Variants in PCYT2 observed in about 807,000 individuals in gnomAD.
PCYT2 encodes ethanolamine-phosphate cytidylyltransferase.
A neutral mutation model predicts 50.0 loss-of-function variants in PCYT2; 33 were observed. The ratio of observed to expected loss-of-function variants is 0.66; its 90% confidence interval spans 0.50 to 0.88. The LOEUF is 0.88. Ranked by LOEUF, PCYT2 falls within the 40% of genes least tolerant of loss-of-function variation. PCYT2 has a pLI of 0.00. For synonymous variants in PCYT2, 240 were observed against 203.7 expected, an observed-to-expected ratio of 1.18 and a Z score of -1.52; for missense variants, 430 against 519.7, an observed-to-expected ratio of 0.83 and a Z score of 1.68.
rs771188874 is a variant in PCYT2 at position 81,902,758 on chromosome 17, T to C, written c.*2075A>G. 2 of 1,600,948 alleles carry C rather than the reference T, an allele frequency of 1.2e-6. No individual in the cohort carries two copies. Among genetic ancestry groups the C allele is most frequent in the Non-Finnish European group, 8.5e-7 (1 of 1,175,570 alleles). ...CTGCCTCGCCGCCTGAGCCCGGACCTCTCCTGGCACCGCTGGGGGCCCCCC... is the reference window on the plus strand; with the variant it reads ...CTGCCTCGCCGCCTGAGCCCGGACCCCTCCTGGCACCGCTGGGGGCCCCCC... On this transcript the variant is annotated 3_prime_UTR_variant, in exon 13 of 13. Coordinates refer to ENST00000538936, the MANE Select transcript of PCYT2 (RefSeq NM_002861.5).
rs1430939300 is a variant in PCYT2, at chr17:81,903,753, C to T, written c.*1080G>A. The T allele has an allele frequency of 2.0e-5, 3 of 152,368 alleles. No individual in the cohort carries two copies. The highest frequency in any genetic ancestry group is 2.0e-4 in the Admixed American group (3 of 15,304). 9.4% of individuals were successfully genotyped at this position (152,368 alleles called of 1,614,324 possible). On this transcript the variant is annotated 3_prime_UTR_variant, in exon 13 of 13. Coordinates refer to ENST00000538936, the MANE Select transcript of PCYT2 (RefSeq NM_002861.5). ...TCCTGTGCTGGGTCGTGAGGTCGAC[C>T]TCACAACAGCAGAGGACAGGCCCAT... is the stretch of plus-strand genomic sequence containing the variant.
rs1480585565 is a variant in PCYT2, at chr17:81,908,749, TG to T, written c.341-116del. The T allele has an allele frequency of 6.0e-6, 8 of 1,322,644 alleles. No individual in the cohort carries two copies. The Admixed American group carries it at 7.6e-5, about 13-fold the overall frequency. 81.9% of individuals were successfully genotyped at this position (1,322,644 alleles called of 1,614,324 possible). ...TAGTGTCCGCGTGCCCATTTCTAGG[TG>T]GGGGCCCGGAAATGTCTCAGATCCT... On this transcript the variant is annotated intron_variant, in intron 3 of 12. Coordinates refer to ENST00000538936, the MANE Select transcript of PCYT2 (RefSeq NM_002861.5).
intron 7 of PCYT2, 38 bp downstream of exon 7, chr17:81,906,722 T>G: frequency 6.2e-7 from 1 of 1,607,716 alleles, no homozygotes; most frequent in Non-Finnish European, 8.5e-7. Flanking sequence ...CCACCCCATG[T>G]GGCACATGTA....
At position 81,902,233 on chromosome 17, in the gene PCYT2, G is replaced by A. The variant is rs914129849; in HGVS notation, c.*2600C>T. The A allele has an allele frequency of 3.3e-6, 4 of 1,222,082 alleles. No homozygotes were observed. Among genetic ancestry groups the A allele is most frequent in the South Asian group, 7.6e-5 (2 of 26,418 alleles). 75.7% of individuals were successfully genotyped at this position (1,222,082 alleles called of 1,614,324 possible). ...ATATAAGGCGGCCCAGGCGGTGGCT[G>A]CTCCGAGCCCGGACGCCGCCGCCCA... is the stretch of plus-strand genomic sequence containing the variant. On this transcript the variant is annotated 3_prime_UTR_variant, in exon 13 of 13. Coordinates refer to ENST00000538936, the MANE Select transcript of PCYT2 (RefSeq NM_002861.5).
At chr17:81,910,326 C>T (rs2040516494) in intron 1 of PCYT2, among the ~76,000 whole-genome samples, 2 of 152,268 alleles carry the variant, frequency 1.3e-5, no homozygotes, top group Non-Finnish European at 2.9e-5. Flanking sequence ...GTGGACAAAG[C>T]TGTCCCTGCC....
At chr17:81,907,731 G>C in intron 5 of PCYT2, 42 bp downstream of exon 5, 1 of 1,598,574 alleles carries the variant, frequency 6.3e-7, no homozygotes, top group Non-Finnish European at 8.6e-7. Context: ...TTCCCCTGGA[G>C]ACCTCGACCC....
Position 81,902,429 on chromosome 17 carries a change from C to G in PCYT2, c.*2404G>C. The G allele has an allele frequency of 7.4e-7, 1 of 1,353,200 alleles. No homozygotes were observed. The highest frequency in any genetic ancestry group is 9.4e-7 in the Non-Finnish European group (1 of 1,060,394). 83.8% of individuals were successfully genotyped at this position (1,353,200 alleles called of 1,614,324 possible). On this transcript the variant is annotated 3_prime_UTR_variant, in exon 13 of 13. Transcript: ENST00000538936. ...CTGCTGTCCGGCCTCCGCAGGTCCC[C>G]GTACGCGCGGCGCTCCCAGCCCTAC...
intron 1 of PCYT2, 84 bp downstream of exon 1, chr17:81,911,183 C>A: frequency 9.9e-7 from 1 of 1,014,668 alleles, no homozygotes; most frequent in Non-Finnish European, 1.2e-6. Context: ...AACGCGGGCC[C>A]GGTCCCCGGG....
At chr17:81,909,703 G>A in intron 1 of PCYT2, 101 bp from the exon 2 acceptor site, 2 of 861,010 alleles carry the variant, frequency 2.3e-6, no homozygotes, top group Admixed American at 3.6e-5. Flanking sequence ...GACTCCTTAG[G>A]AAGCGCTCTG....
chr17:81,911,134 T>C (rs2040579368), intron 1 of PCYT2, 133 bp downstream of exon 1: 2 of 1,001,488 alleles, frequency 2.0e-6, no homozygotes, highest in Non-Finnish European at 2.4e-6. Flanking sequence ...CCCCGCAGCC[T>C]GCCAGCCCCG....
At chr17:81,908,242 C>T (rs527795680) in intron 4 of PCYT2, among the ~76,000 whole-genome samples, 2 of 152,350 alleles carry the variant, frequency 1.3e-5, no homozygotes, top group Non-Finnish European at 2.9e-5. Context: ...GAGCCACTGG[C>T]CTCATGTCCC....
Position 81,908,989 on chromosome 17 carries a change from C to G in PCYT2, c.227G>C (p.Arg76Thr). Reference protein sequence around the residue: ...KGPPVFTQEERYKMVQAIKWV... With the variant: ...KGPPVFTQEETYKMVQAIKWV... ...TTTGATGGCCTGCACCATCTTGTAT[C>G]TCTCCTCCTGAGTGAACACCGGGGG... Residue 76 changes from arginine to threonine, a missense_variant, in exon 3 of 13, where the codon AGA (arginine) becomes ACA (threonine). Physicochemically the swap from Arg to Thr is moderately conservative, Grantham distance 71 (BLOSUM62 -1). Around this residue, in one of 4 missense-constraint regions of PCYT2, gnomAD observed 117 missense variants for 163.9 expected, o/e 0.71. Coordinates refer to ENST00000538936, the MANE Select transcript of PCYT2 (RefSeq NM_002861.5). 1 of 1,614,052 alleles carries G rather than the reference C, an allele frequency of 6.2e-7. No homozygotes were observed. The highest frequency in any genetic ancestry group is 8.5e-7 in the Non-Finnish European group (1 of 1,180,008).
chr17:81,906,439 G>A (rs370964816), intron 8 of PCYT2, 25 bp downstream of exon 8: 3 of 1,602,598 alleles, frequency 1.9e-6, no homozygotes, highest in Admixed American at 1.7e-5. Flanking sequence ...CTGCCCAGGG[G>A]CCCAGGGAGC....
At position 81,905,082 on chromosome 17, in the gene PCYT2, G is replaced by A. The variant is rs748405697; in HGVS notation, c.1042C>T (p.Arg348Trp). 6.2e-7 allele frequency: 1 copy of A among 1,612,894 alleles called. No homozygotes were observed. The highest frequency in any genetic ancestry group is 1.7e-5 in the Admixed American group (1 of 59,996). The change falls in exon 12 of 13, where the codon CGG becomes TGG. Residue 348 changes from arginine (R) to tryptophan (W), a missense_variant. Transcript: ENST00000538936. ...SNLTTDLIVQRIITNRLEYEA... is the reference protein window; with the variant it reads ...SNLTTDLIVQWIITNRLEYEA... ...CAACTGCACCTGTTGGTGATGATCC[G>A]CTGGACGATGAGGTCTGTGGTGAGG...
chr17:81,907,548 A>G lies in PCYT2; in HGVS notation c.537+6T>C. 1.2e-6 allele frequency: 2 copies of G among 1,608,334 alleles called. No homozygotes were observed. Among genetic ancestry groups the G allele is most frequent in the Non-Finnish European group, 8.5e-7 (1 of 1,177,976 alleles). ...TGCTCAGCTCTCCCTGCACAGCCGC[A>G]CTCACCTTGCCAAAACTGTCTGCAT... On this transcript the variant is annotated splice_donor_region_variant and intron_variant, in intron 6 of 12. Transcript: ENST00000538936.
At position 81,904,592 on chromosome 17, in the gene PCYT2, G is replaced by A. The variant is rs535108571; in HGVS notation, c.*241C>T. 7.0e-5 allele frequency: 35 copies of A among 502,126 alleles called. No homozygotes were observed. Among genetic ancestry groups the A allele is most frequent in the African/African-American group, 3.1e-4 (16 of 52,192 alleles). The allele number at this position is 502,126 out of a possible 1,614,324, so 31.1% of individuals were successfully genotyped here. On this transcript the variant is annotated 3_prime_UTR_variant, in exon 13 of 13. Transcript: ENST00000538936. ...CGGTGCGTTTCAGGCTGCAGGTGCC[G>A]TCTGCCCGTCTCACTTCCGGCCTCT...
intron 2 of PCYT2, 199 bp downstream of exon 2, chr17:81,909,315 T>A (rs2040450508): frequency 7.0e-7 from 1 of 1,430,616 alleles, no homozygotes; most frequent in Non-Finnish European, 9.1e-7. Context: ...GTGCCCCTTC[T>A]CTTTAGCTGG....
chr17:81,906,218 G>T (rs754637962), intron 8 of PCYT2, 41 bp from the exon 9 acceptor site: 14 of 1,541,914 alleles, frequency 9.1e-6, no homozygotes, highest in African/African-American at 1.4e-5. Context: ...GAGACTTTTT[G>T]GGGGGACAGG....
At chr17:81,908,309 C>T (rs1246875233) in intron 4 of PCYT2, among the ~76,000 whole-genome samples, 2 of 152,238 alleles carry the variant, frequency 1.3e-5, no homozygotes, top group Admixed American at 1.3e-4. Flanking sequence ...GCCACGTCCC[C>T]CGAGCTCAAC....
Sources: allele counts gnomAD v4.1 joint callset (sites outside exome capture counted in the v4.1 genomes callset), GRCh38; gene constraint gnomAD v4.1.1; regional missense constraint gnomAD v4.1.1; transcripts MANE v1.5; gene names NCBI Gene and HGNC (gene_info 2026-07-23, HGNC 2026-07-21).